Variants in TAFA5 observed in about 807,000 individuals in gnomAD.
TAFA5 encodes TAFA chemokine like family member 5, also known as chemokine-like protein TAFA-5.
TAFA5 carries 6 observed loss-of-function variants against 15.3 expected under a neutral mutation model. The observed-to-expected ratio is 0.39, with a 90% confidence interval of 0.21 to 0.77. The LOEUF (loss-of-function observed/expected upper bound fraction) is 0.77, where lower values mean the gene tolerates loss of function less well. Ranked by LOEUF, TAFA5 falls within the 30% of genes least tolerant of loss-of-function variation. The pLI is 0.41. For missense variants in TAFA5, 161 were observed against 193.1 expected (o/e 0.83, Z 0.98); for synonymous variants, 103 against 80.7 (o/e 1.28, Z -1.48).
chr22:48,682,910 T>A (rs1569077541), intron 2 of TAFA5, among the ~76,000 whole-genome samples: 1 of 152,162 alleles, frequency 6.6e-6, no homozygotes, highest in East Asian at 1.9e-4. Context: ...ACGCGTGGAG[T>A]CCCCTGGCAG....
At chr22:48,537,962 G>A (rs1177677083) in intron 1 of TAFA5, among the ~76,000 whole-genome samples, 1 of 152,216 alleles carries the variant, frequency 6.6e-6, no homozygotes, top group African/African-American at 2.4e-5. Flanking sequence ...TTGGCGTGGG[G>A]ATGCCATGGA....
chr22:48,578,074 G>T (rs1923883900), intron 1 of TAFA5, among the ~76,000 whole-genome samples: 1 of 152,242 alleles, frequency 6.6e-6, no homozygotes, highest in Non-Finnish European at 1.5e-5. Flanking sequence ...AGGGGTCCCT[G>T]CTCTGCTGGG....
chr22:48,689,626 T>TGAATAAC (rs1446585013), intron 2 of TAFA5, among the ~76,000 whole-genome samples: 2 of 148,826 alleles, frequency 1.3e-5, no homozygotes, highest in Non-Finnish European at 3.0e-5. Context: ...GGCTCTCAGT[T>TGAATAAC]TGGGGTCCTA....
At chr22:48,581,887 A>G (rs1318808611) in intron 1 of TAFA5, among the ~76,000 whole-genome samples, 2 of 152,118 alleles carry the variant, frequency 1.3e-5, no homozygotes, top group Admixed American at 1.3e-4. Context: ...AGGCATCCTC[A>G]CCTTATTTAC....
chr22:48,660,948 GTC>G (rs1491012077), intron 2 of TAFA5, among the ~76,000 whole-genome samples: 23 of 152,004 alleles, frequency 1.5e-4, no homozygotes, highest in Admixed American at 1.0e-3. Flanking sequence ...CAGAGTTAGG[GTC>G]GTGTCTCTTC....
intron 1 of TAFA5, among the ~76,000 whole-genome samples, chr22:48,519,656 C>G (rs1161067292): frequency 2.0e-5 from 3 of 152,148 alleles, no homozygotes; most frequent in Non-Finnish European, 4.4e-5. Flanking sequence ...TCAGCTGAAA[C>G]TGGGGGCGGT....
chr22:48,553,379 C>A (rs1282114856), intron 1 of TAFA5, among the ~76,000 whole-genome samples: 2 of 152,162 alleles, frequency 1.3e-5, no homozygotes, highest in East Asian at 3.9e-4. Context: ...GTACCCTGAC[C>A]AAGGACAGAT....
chr22:48,622,064 G>A (rs1156542504), intron 1 of TAFA5, among the ~76,000 whole-genome samples: 1 of 152,104 alleles, frequency 6.6e-6, no homozygotes, highest in Non-Finnish European at 1.5e-5. Context: ...TCACGGCAGT[G>A]CAACCCCTAC....
At chr22:48,709,013 C>G (rs1245289060) in intron 3 of TAFA5, among the ~76,000 whole-genome samples, 1 of 152,180 alleles carries the variant, frequency 6.6e-6, no homozygotes, top group South Asian at 2.1e-4. Flanking sequence ...TTCTGAGAGT[C>G]GCACGGCTTT....
chr22:48,615,916 C>T (rs1180971267), intron 1 of TAFA5, among the ~76,000 whole-genome samples: 3 of 152,224 alleles, frequency 2.0e-5, no homozygotes, highest in Admixed American at 2.0e-4. Flanking sequence ...CCAATCCTCA[C>T]CCTGGCTTTG....
chr22:48,674,471 G>A (rs918293472), intron 2 of TAFA5, among the ~76,000 whole-genome samples: 1 of 152,092 alleles, frequency 6.6e-6, no homozygotes, highest in African/African-American at 2.4e-5. Flanking sequence ...TTTCAGGTAC[G>A]TCCCTCCTCA....
chr22:48,750,267 G>C lies in TAFA5; in HGVS notation c.*420G>C, dbSNP rs1036223500. The C allele has an allele frequency of 3.9e-6, 1 of 253,716 alleles. No individual in the cohort carries two copies. The highest frequency in any genetic ancestry group is 2.3e-5 in the African/African-American group (1 of 44,296). 15.7% of individuals were successfully genotyped at this position (253,716 alleles called of 1,614,324 possible). ...TCAGGCACAGAAGCGGCCTCCTCCC[G>C]TGCCCCAGACTGTCCGAATTGCTTT... On this transcript the variant is annotated 3_prime_UTR_variant, in exon 4 of 4. Transcript: ENST00000402357.
chr22:48,496,300 G>A (rs1462852206), intron 1 of TAFA5, among the ~76,000 whole-genome samples: 2 of 150,108 alleles, frequency 1.3e-5, no homozygotes, highest in African/African-American at 2.5e-5. Context: ...TTTTGGTCAC[G>A]GCATCTGCTG....
chr22:48,528,396 C>T (rs1255018784), intron 1 of TAFA5, among the ~76,000 whole-genome samples: 1 of 152,088 alleles, frequency 6.6e-6, no homozygotes, highest in African/African-American at 2.4e-5. Flanking sequence ...TAGCCAAGGC[C>T]ATAGTGAGGA....
chr22:48,678,952 C>CCT (rs1928071665), intron 2 of TAFA5, among the ~76,000 whole-genome samples: 16 of 145,938 alleles, frequency 1.1e-4, no homozygotes, highest in Non-Finnish European at 2.0e-4. Context: ...CCCAGCTCTG[C>CCT]GTCCATCCCT....
chr22:48,517,795 C>T (rs889188914), intron 1 of TAFA5, among the ~76,000 whole-genome samples: 1 of 152,300 alleles, frequency 6.6e-6, no homozygotes. Flanking sequence ...GCCGTCTCCT[C>T]CCTCTCCCCT....
At chr22:48,564,003 G>A (rs1347162912) in intron 1 of TAFA5, among the ~76,000 whole-genome samples, 1 of 152,204 alleles carries the variant, frequency 6.6e-6, no homozygotes, top group Non-Finnish European at 1.5e-5. Context: ...TACAGCCAAG[G>A]GTTCCTCAGC....
chr22:48,532,080 C>A (rs777145424), intron 1 of TAFA5, among the ~76,000 whole-genome samples: 1 of 152,358 alleles, frequency 6.6e-6, no homozygotes, highest in African/African-American at 2.4e-5. Flanking sequence ...CTCCTGTGCA[C>A]CCCGCCTGCC....
intron 1 of TAFA5, among the ~76,000 whole-genome samples, chr22:48,619,481 G>A (rs574100170): frequency 5.3e-5 from 8 of 152,310 alleles, no homozygotes; most frequent in East Asian, 1.9e-4. Flanking sequence ...TCAGCCTCCC[G>A]AGTAGCTGGG....
Sources: gnomAD v4.1 joint callset for allele counts (sites outside exome capture counted in the v4.1 genomes callset) on GRCh38, gnomAD v4.1.1 for gene constraint, MANE v1.5 for transcripts, NCBI Gene and HGNC (gene_info 2026-07-23, HGNC 2026-07-21) for gene names.